ULK4: variants seen among roughly 807,000 people sequenced by gnomAD.
ULK4 encodes inactive serine/threonine-protein kinase ULK4.
Under a neutral mutation model 160.6 loss-of-function variants are expected in ULK4, and 133 were observed. The observed-to-expected ratio is 0.83, with a 90% confidence interval of 0.72 to 0.96. ULK4 has a LOEUF of 0.96. ULK4 is among the 40% of genes least tolerant of loss of function. ULK4 has a pLI of 0.00. For synonymous variants in ULK4, 534 were observed against 539.8 expected, an observed-to-expected ratio of 0.99 and a Z score of 0.15; for missense variants, 1,580 against 1,499.5, an observed-to-expected ratio of 1.05 and a Z score of -0.89.
intron 31 of ULK4, among the ~76,000 whole-genome samples, chr3:41,602,806 G>A (rs77712406): frequency 0.013 from 1,958 of 152,048 alleles, 41 homozygotes; most frequent in African/African-American, 0.045. Flanking sequence ...TTTCTAATAT[G>A]ATACAGAGAG....
In ULK4 at chr3:41,725,714, A is replaced by C. The variant is rs916965077; in HGVS notation, c.2322-7853T>G. On this transcript the variant is annotated intron_variant, in intron 22 of 36. Coordinates refer to ENST00000301831, the MANE Select transcript of ULK4 (RefSeq NM_017886.4). ...CTTGTTGATTTTATTGCTTTTATTC[A>C]TATCATCTTGTCTCCTCATAGGCCT... 2.6e-5 allele frequency among the ~76,000 whole-genome samples: 4 copies of C among 152,182 alleles called. 1 individual carries two copies. The South Asian group carries it at 8.3e-4, about 32-fold the overall frequency.
At chr3:41,931,435 C>A (rs1256625526) in intron 5 of ULK4, among the ~76,000 whole-genome samples, 5 of 124,810 alleles carry the variant, frequency 4.0e-5, no homozygotes, top group Admixed American at 9.3e-5. Flanking sequence ...ACCTATGTAA[C>A]AAACCTGTAT....
intron 35 of ULK4, among the ~76,000 whole-genome samples, chr3:41,258,952 ATATATATATACATATATGTG>A (rs994514085): frequency 6.7e-6 from 1 of 150,362 alleles, no homozygotes; most frequent in Non-Finnish European, 1.5e-5. Context: ...TCTGTTGAAT[ATATATATATACATATATGTG>A]TATATATATA....
chr3:41,934,200 C>A (rs887903474), intron 4 of ULK4, among the ~76,000 whole-genome samples: 3 of 152,146 alleles, frequency 2.0e-5, no homozygotes, highest in Admixed American at 1.3e-4. Context: ...ACAGCCACAT[C>A]CAGGTATTTA....
chr3:41,754,394 T>C lies in ULK4; in HGVS notation c.2288A>G (p.Asn763Ser). 6.2e-7 allele frequency: 1 copy of C among 1,613,178 alleles called. No individual in the cohort carries two copies. The highest frequency in any genetic ancestry group is 8.5e-7 in the Non-Finnish European group (1 of 1,179,700). Residue 763 changes from asparagine to serine, a missense_variant, in exon 22 of 37, where the codon AAC becomes AGC. Asn to Ser is a conservative substitution (Grantham distance 46). Coordinates refer to ENST00000301831, the MANE Select transcript of ULK4 (RefSeq NM_017886.4). ...FLVLLYILIY[N>S]REMLLLSCQA... ...GCAACTGAGCAGCAACATCTCACGG[T>C]TATAAATCAAAATATATAGAAGAAC...
chr3:41,375,238 C>T (rs2081459685), intron 35 of ULK4, among the ~76,000 whole-genome samples: 1 of 152,088 alleles, frequency 6.6e-6, no homozygotes, highest in South Asian at 2.1e-4. Flanking sequence ...AATGCGATTC[C>T]CATCAAACTA....
intron 22 of ULK4, among the ~76,000 whole-genome samples, chr3:41,750,839 A>G (rs947076047): frequency 1.2e-4 from 18 of 151,602 alleles, no homozygotes; most frequent in African/African-American, 4.4e-4. Context: ...AAAATACAAA[A>G]ATTAGCTGGA....
chr3:41,411,450 C>G (rs2082408029), intron 34 of ULK4, among the ~76,000 whole-genome samples: 1 of 143,806 alleles, frequency 7.0e-6, no homozygotes, highest in African/African-American at 2.7e-5. Context: ...TATTTTGAGA[C>G]AGAGTCTCAC....
chr3:41,608,008 TTC>T (rs1484969859), intron 31 of ULK4, among the ~76,000 whole-genome samples: 10 of 152,194 alleles, frequency 6.6e-5, no homozygotes, highest in Non-Finnish European at 1.5e-4. Flanking sequence ...TGTTAGACAT[TTC>T]TGTGTTGTTT....
At chr3:41,570,103 A>AATACAAAG (rs1371147070) in intron 31 of ULK4, among the ~76,000 whole-genome samples, 9 of 152,188 alleles carry the variant, frequency 5.9e-5, no homozygotes. Context: ...GGCTTACAAA[A>AATACAAAG]ATACCCACAC....
chr3:41,935,704 C>A (rs1375910364), intron 4 of ULK4, 97 bp downstream of exon 4: 3 of 1,394,706 alleles, frequency 2.2e-6, no homozygotes, highest in Non-Finnish European at 2.9e-6. Flanking sequence ...TCAAGATATT[C>A]TATACCAAAA....
At position 41,742,578 on chromosome 3, in the gene ULK4, C is replaced by T. The variant is rs544559275; in HGVS notation, c.2321+11783G>A. Among the ~76,000 whole-genome samples, 15 of 152,020 alleles carry T rather than the reference C, an allele frequency of 9.9e-5. 1 individual carries two copies. The highest frequency in any genetic ancestry group is 3.6e-4 in the African/African-American group (15 of 41,292). Reference sequence around the variant, plus strand: ...ATGTCCAGGACGTATTCTAAAATCACTCATCAAAACGAGAACCAAGAAAAT... The same window carrying T: ...ATGTCCAGGACGTATTCTAAAATCATTCATCAAAACGAGAACCAAGAAAAT... On this transcript the variant is annotated intron_variant, in intron 22 of 36. Transcript: ENST00000301831.
chr3:41,649,002 C>T (rs1425215640), intron 30 of ULK4, among the ~76,000 whole-genome samples: 2 of 152,042 alleles, frequency 1.3e-5, no homozygotes, highest in Non-Finnish European at 2.9e-5. Flanking sequence ...GTGGCACATG[C>T]CTGTAATCCC....
chr3:41,788,213 C>A (rs915902427), intron 21 of ULK4, among the ~76,000 whole-genome samples: 2 of 152,150 alleles, frequency 1.3e-5, no homozygotes, highest in Non-Finnish European at 2.9e-5. Context: ...GTTTACTATG[C>A]AAATCTGAGA....
At chr3:41,566,222 T>G in intron 31 of ULK4, 92 bp from the exon 32 acceptor site, 1 of 1,027,030 alleles carries the variant, frequency 9.7e-7, no homozygotes, top group East Asian at 2.5e-5. Context: ...ACTGCTTCAT[T>G]CTTTGCACAA....
intron 34 of ULK4, among the ~76,000 whole-genome samples, chr3:41,430,122 G>T (rs1473053553): frequency 2.0e-5 from 3 of 151,668 alleles, no homozygotes; most frequent in Non-Finnish European, 4.4e-5. Flanking sequence ...TCTTTAAAAG[G>T]GTTATTTCCA....
chr3:41,948,007 T>C (rs1700162892), intron 2 of ULK4, among the ~76,000 whole-genome samples: 1 of 152,194 alleles, frequency 6.6e-6, no homozygotes, highest in Non-Finnish European at 1.5e-5. Flanking sequence ...TTGCACATGC[T>C]GAACCTGCCC....
intron 12 of ULK4, among the ~76,000 whole-genome samples, chr3:41,903,245 A>C (rs1698435350): frequency 6.6e-6 from 1 of 152,206 alleles, no homozygotes; most frequent in South Asian, 2.1e-4. Context: ...ATATAACTGA[A>C]CATCCAAAAA....
chr3:41,667,145 C>T (rs920264124), intron 29 of ULK4, among the ~76,000 whole-genome samples: 1 of 151,010 alleles, frequency 6.6e-6, no homozygotes. Flanking sequence ...CAGAGCAAGA[C>T]TCTGTCTCTA....
Sources: gnomAD v4.1 joint callset for allele counts (sites outside exome capture counted in the v4.1 genomes callset) on GRCh38, gnomAD v4.1.1 for gene constraint, MANE v1.5 for transcripts, NCBI Gene and HGNC (gene_info 2026-07-23, HGNC 2026-07-21) for gene names.